CHODL: variants seen among roughly 807,000 people sequenced by gnomAD.
CHODL encodes the protein chondrolectin.
CHODL carries 29 observed loss-of-function variants against 34.5 expected under a neutral mutation model. The observed-to-expected ratio is 0.84, with a 90% confidence interval of 0.63 to 1.15. The LOEUF (loss-of-function observed/expected upper bound fraction) is 1.15. Ranked by LOEUF, CHODL falls within the 50% of genes most tolerant of loss-of-function variation. CHODL has a pLI of 0.00. For synonymous variants in CHODL, 125 were observed against 116.1 expected, an observed-to-expected ratio of 1.08 and a Z score of -0.49; for missense variants, 332 against 332.5, an observed-to-expected ratio of 1.00 and a Z score of 0.01.
At chr21:18,110,969 T>A (rs1370586042) in intron 2 of CHODL, among the ~76,000 whole-genome samples, 3 of 152,210 alleles carry the variant, frequency 2.0e-5, no homozygotes, top group Non-Finnish European at 2.9e-5. Context: ...TCTTGCCCTA[T>A]ATGTTCTCCA....
intron 2 of CHODL, among the ~76,000 whole-genome samples, chr21:18,078,203 G>A (rs2064889923): frequency 6.6e-6 from 1 of 152,170 alleles, no homozygotes; most frequent in South Asian, 2.1e-4. Context: ...AGGAAAGAGG[G>A]TTGAGGGACT....
At chr21:17,967,712 A>G (rs1243271662) in intron 1 of CHODL, among the ~76,000 whole-genome samples, 1 of 147,848 alleles carries the variant, frequency 6.8e-6, no homozygotes, top group Non-Finnish European at 1.5e-5. Flanking sequence ...AAAAAGTGCA[A>G]GGAGAGTGTA....
chr21:17,963,944 T>C (rs1396657081), intron 1 of CHODL, among the ~76,000 whole-genome samples: 3 of 152,164 alleles, frequency 2.0e-5, no homozygotes, highest in Non-Finnish European at 4.4e-5. Context: ...TTAATGGCTT[T>C]TTTTTCTTCC....
At chr21:18,195,827 A>T (rs1358862517) in intron 2 of CHODL, among the ~76,000 whole-genome samples, 1 of 152,224 alleles carries the variant, frequency 6.6e-6, no homozygotes, top group African/African-American at 2.4e-5. Flanking sequence ...CCTGGCACAG[A>T]AAAGTATTTA....
chr21:18,195,703 A>G (rs1366890113), intron 2 of CHODL, among the ~76,000 whole-genome samples: 1 of 152,188 alleles, frequency 6.6e-6, no homozygotes, highest in Non-Finnish European at 1.5e-5. Context: ...TGATTTATGT[A>G]TAATTTATTT....
chr21:18,135,794 T>A (rs748155287), intron 2 of CHODL, among the ~76,000 whole-genome samples: 4 of 152,132 alleles, frequency 2.6e-5, no homozygotes, highest in Non-Finnish European at 5.9e-5. Flanking sequence ...ATAAGTGTTT[T>A]CTGAGTGAAT....
intron 1 of CHODL, among the ~76,000 whole-genome samples, chr21:17,966,895 T>G (rs544948742): frequency 6.6e-6 from 1 of 151,950 alleles, no homozygotes; most frequent in Non-Finnish European, 1.5e-5. Flanking sequence ...CCTGAGCTTT[T>G]TTTTTTTTTG....
At chr21:18,092,044 G>A (rs2065080234) in intron 2 of CHODL, among the ~76,000 whole-genome samples, 1 of 152,188 alleles carries the variant, frequency 6.6e-6, no homozygotes, top group African/African-American at 2.4e-5. Context: ...CTGAAGAGAA[G>A]GGCCTTGGGC....
intron 2 of CHODL, among the ~76,000 whole-genome samples, chr21:18,112,814 A>G (rs551755151): frequency 1.2e-4 from 18 of 152,360 alleles, no homozygotes; most frequent in African/African-American, 4.3e-4. Context: ...TGAAACTACT[A>G]CAAGAAAACA....
chr21:18,263,927 C>T (rs1184705895), intron 5 of CHODL, among the ~76,000 whole-genome samples: 1 of 148,184 alleles, frequency 6.7e-6, no homozygotes, highest in Admixed American at 6.7e-5. Flanking sequence ...ACCATTTAGA[C>T]CACTTTTGTG....
chr21:18,131,907 A>C (rs1025638675), intron 2 of CHODL, among the ~76,000 whole-genome samples: 1 of 151,952 alleles, frequency 6.6e-6, no homozygotes, highest in African/African-American at 2.4e-5. Context: ...AAAAAGTTAC[A>C]TGGGGTACAA....
chr21:18,151,232 G>A (rs982915041), intron 2 of CHODL, among the ~76,000 whole-genome samples: 5 of 152,212 alleles, frequency 3.3e-5, no homozygotes, highest in Non-Finnish European at 7.3e-5. Context: ...GAACAGACAG[G>A]CCTTGCCGGG....
intron 2 of CHODL, among the ~76,000 whole-genome samples, chr21:18,107,646 G>T (rs1450884780): frequency 6.6e-6 from 1 of 152,196 alleles, no homozygotes; most frequent in Non-Finnish European, 1.5e-5. Context: ...TAGCATCAGG[G>T]TTTGCTGTGT....
chr21:18,023,337 T>C (rs1048334480), intron 1 of CHODL, among the ~76,000 whole-genome samples: 18 of 152,114 alleles, frequency 1.2e-4, no homozygotes, highest in African/African-American at 4.3e-4. Context: ...GGTTGTGGTA[T>C]GAGCCAGACT....
intron 1 of CHODL, among the ~76,000 whole-genome samples, chr21:18,019,129 A>G (rs1269915947): frequency 1.3e-5 from 2 of 152,214 alleles, no homozygotes; most frequent in African/African-American, 4.8e-5. Context: ...CAAGTTCTTA[A>G]CCATGCTTGC....
chr21:17,927,603 T>C (rs2078347), intron 1 of CHODL, among the ~76,000 whole-genome samples: 5,258 of 152,302 alleles, frequency 0.035, 124 homozygotes, highest in Admixed American at 0.054. Flanking sequence ...CCTGCTTTCA[T>C]TTTAATAGCA....
upstream of CHODL, among the ~76,000 whole-genome samples, chr21:18,240,971 C>G (rs1433946576): frequency 6.6e-6 from 1 of 152,046 alleles, no homozygotes; most frequent in East Asian, 1.9e-4. Flanking sequence ...TCGTTATGAA[C>G]AATGAAATTC....
At chr21:18,134,850 AATCT>A (rs2072701107) in intron 2 of CHODL, among the ~76,000 whole-genome samples, 1 of 152,206 alleles carries the variant, frequency 6.6e-6, no homozygotes, top group Non-Finnish European at 1.5e-5. Flanking sequence ...CATTAATTCC[AATCT>A]ATCTGTTACT....
intron 1 of CHODL, among the ~76,000 whole-genome samples, chr21:17,991,736 T>C (rs2063799307): frequency 6.6e-6 from 1 of 151,728 alleles, no homozygotes; most frequent in African/African-American, 2.4e-5. Flanking sequence ...CAATCTCTTG[T>C]CCAATAAACA....
Sources: allele counts gnomAD v4.1 joint callset (sites outside exome capture counted in the v4.1 genomes callset), GRCh38; gene constraint gnomAD v4.1.1; transcripts MANE v1.5; gene names NCBI Gene and HGNC (gene_info 2026-07-23, HGNC 2026-07-21).